The following FRMD6 variants were observed in gnomAD, a reference collection of about 807,000 sequenced individuals.
FRMD6 encodes FERM domain containing 6, also known as FERM domain-containing protein 6.
A neutral mutation model predicts 73.2 loss-of-function variants in FRMD6; 37 were observed. That is an observed-to-expected ratio of 0.51 (90% confidence interval 0.39 to 0.66). FRMD6 has a LOEUF of 0.66. Ranked by LOEUF, FRMD6 falls within the 30% of genes least tolerant of loss-of-function variation. The probability of loss-of-function intolerance (pLI) is 0.00; values close to 1 mark genes in which losing one functional copy is unlikely to be tolerated. For missense variants in FRMD6, 714 were observed against 780.5 expected, an observed-to-expected ratio of 0.91 and a Z score of 1.02; for synonymous variants, 273 against 282.2, an observed-to-expected ratio of 0.97 and a Z score of 0.33.
chr14:51,571,584 T>C (rs1233307101), intron 2 of FRMD6, among the ~76,000 whole-genome samples: 1 of 152,224 alleles, frequency 6.6e-6, no homozygotes, highest in Non-Finnish European at 1.5e-5. Context: ...CTGTCGTTCT[T>C]AAATGATTGG....
intron 1 of FRMD6, among the ~76,000 whole-genome samples, chr14:51,569,102 A>T (rs972976087): frequency 1.3e-5 from 2 of 151,972 alleles, no homozygotes; most frequent in Non-Finnish European, 2.9e-5. Context: ...GACCTCTGCC[A>T]CCCAAAATGC....
In FRMD6 at chr14:51,592,400, T is replaced by C. The variant is rs1889449738; in HGVS notation, c.-147+21990T>C. Among the ~76,000 whole-genome samples, 4 of 152,342 alleles carry C rather than the reference T, an allele frequency of 2.6e-5. No individual in the cohort carries two copies. In the South Asian group the frequency reaches 8.3e-4, roughly 32 times the overall value. ...TAAAATTTCTCGTGTATAGAAACTA[T>C]GTATTTATATGTTATCCTTCCCATC... On this transcript the variant is annotated intron_variant, in intron 2 of 14. Coordinates refer to the FRMD6 transcript ENST00000356218.
intron 1 of FRMD6, among the ~76,000 whole-genome samples, chr14:51,653,579 A>G (rs1193471544): frequency 6.6e-6 from 1 of 152,180 alleles, no homozygotes; most frequent in African/African-American, 2.4e-5. Context: ...TTATGAGACT[A>G]TTGTAGAAAT....
chr14:51,620,251 A>G (rs1890875744), intron 2 of FRMD6, among the ~76,000 whole-genome samples: 1 of 152,164 alleles, frequency 6.6e-6, no homozygotes, highest in South Asian at 2.1e-4. Context: ...TGGCCTGGGA[A>G]TGTCTCCTCT....
intron 2 of FRMD6, among the ~76,000 whole-genome samples, chr14:51,581,602 A>T (rs775535021): frequency 2.0e-5 from 3 of 152,240 alleles, no homozygotes; most frequent in Non-Finnish European, 4.4e-5. Flanking sequence ...TGAAAGCTAT[A>T]AATCACTAAG....
At chr14:51,683,224 C>T (rs547285350) in intron 1 of FRMD6, among the ~76,000 whole-genome samples, 1 of 152,226 alleles carries the variant, frequency 6.6e-6, no homozygotes, top group African/African-American at 2.4e-5. Context: ...TTTTATTAAT[C>T]AGTTGTAGAT....
chr14:51,626,952 A>G (rs1197446867), intron 2 of FRMD6, among the ~76,000 whole-genome samples: 2 of 152,240 alleles, frequency 1.3e-5, no homozygotes, highest in Non-Finnish European at 2.9e-5. Context: ...AAATTATTCA[A>G]CTGGCAGATA....
intron 2 of FRMD6, among the ~76,000 whole-genome samples, chr14:51,697,621 A>G (rs1358989121): frequency 6.6e-6 from 1 of 152,134 alleles, no homozygotes; most frequent in African/African-American, 2.4e-5. Flanking sequence ...AATGCTAAGA[A>G]TAAATTTTAA....
chr14:51,476,156 A>T, the FRMD6 span, among the ~76,000 whole-genome samples: 4 of 152,178 alleles, frequency 2.6e-5, no homozygotes, highest in Non-Finnish European at 4.4e-5. Context: ...ATCCATTCGG[A>T]GACTCTGGCT....
At chr14:51,681,108 C>T (rs1217869990) in intron 1 of FRMD6, among the ~76,000 whole-genome samples, 1 of 152,148 alleles carries the variant, frequency 6.6e-6, no homozygotes. Context: ...TGAGTACTAC[C>T]CACATAATGT....
intron 5 of FRMD6, among the ~76,000 whole-genome samples, chr14:51,703,299 T>C (rs1357280288): frequency 6.6e-6 from 1 of 152,032 alleles, no homozygotes; most frequent in African/African-American, 2.4e-5. Flanking sequence ...TCTTGGCCGA[T>C]AGAAAATACT....
Position 51,728,041 on chromosome 14 carries a change from G to A in FRMD6, c.*12G>A, listed in dbSNP as rs778661218. On this transcript the variant is annotated 3_prime_UTR_variant, in exon 14 of 14. Transcript: ENST00000344768. ...AGTTTGTTGTGTAAAGTCCGTCTGTGTGCAGCTGTACAGGCAGCTTACTGT... is the reference window on the plus strand; with the variant it reads ...AGTTTGTTGTGTAAAGTCCGTCTGTATGCAGCTGTACAGGCAGCTTACTGT... 4 of 1,598,938 alleles carry A rather than the reference G, an allele frequency of 2.5e-6. No homozygotes were observed. Among genetic ancestry groups the A allele is most frequent in the Non-Finnish European group, 3.4e-6 (4 of 1,168,932 alleles).
intron 2 of FRMD6, among the ~76,000 whole-genome samples, chr14:51,619,182 AACATGAATAT>A (rs1222950596): frequency 6.6e-6 from 1 of 151,998 alleles, no homozygotes; most frequent in Non-Finnish European, 1.5e-5. Flanking sequence ...TTTACATGAA[AACATGAATAT>A]ACATAGTATC....
intron 2 of FRMD6, among the ~76,000 whole-genome samples, chr14:51,598,031 A>G (rs1889818823): frequency 1.3e-5 from 2 of 152,192 alleles, no homozygotes; most frequent in Non-Finnish European, 2.9e-5. Context: ...GCAAGAAGCC[A>G]TTTTATGCTA....
intron 1 of FRMD6, among the ~76,000 whole-genome samples, chr14:51,567,523 A>G (rs758661261): frequency 6.6e-6 from 1 of 152,190 alleles, no homozygotes; most frequent in African/African-American, 2.4e-5. Flanking sequence ...ATCGTTTTGT[A>G]GAGACAGTAT....
chr14:51,531,190 T>G (rs148019865), intron 1 of FRMD6, among the ~76,000 whole-genome samples: 103 of 152,306 alleles, frequency 6.8e-4, no homozygotes, highest in Non-Finnish European at 1.3e-3. Flanking sequence ...AACACATGCT[T>G]GTTAGGGGAC....
chr14:51,679,243 G>A (rs1404412680), intron 1 of FRMD6, among the ~76,000 whole-genome samples: 1 of 151,778 alleles, frequency 6.6e-6, no homozygotes, highest in African/African-American at 2.4e-5. Context: ...TGTTAAAAAG[G>A]CTAGACAAAA....
At chr14:51,581,450 A>C (rs962133661) in intron 2 of FRMD6, among the ~76,000 whole-genome samples, 1 of 152,210 alleles carries the variant, frequency 6.6e-6, no homozygotes, top group African/African-American at 2.4e-5. Flanking sequence ...GAAGTTTTAT[A>C]ATCATTCTCC....
At chr14:51,702,323 A>C (rs1298927274) in intron 4 of FRMD6, among the ~76,000 whole-genome samples, 189 bp from the exon 5 acceptor site, 1 of 151,950 alleles carries the variant, frequency 6.6e-6, no homozygotes, top group Non-Finnish European at 1.5e-5. Flanking sequence ...TAACTTCCTA[A>C]TTGTATATGA....
Sources: gnomAD v4.1 joint callset for allele counts (sites outside exome capture counted in the v4.1 genomes callset) on GRCh38, gnomAD v4.1.1 for gene constraint, MANE v1.5 for transcripts, NCBI Gene and HGNC (gene_info 2026-07-23, HGNC 2026-07-21) for gene names.